WDR76: variants seen among roughly 807,000 people sequenced by gnomAD.
The protein encoded by WDR76 is WD repeat-containing protein 76.
WDR76 carries 52 observed loss-of-function variants against 70.2 expected under a neutral mutation model. The ratio of observed to expected loss-of-function variants is 0.74; its 90% confidence interval spans 0.59 to 0.93. WDR76 has a LOEUF of 0.93. WDR76 is among the 40% of genes least tolerant of loss of function. The pLI, the probability that WDR76 is intolerant of heterozygous loss-of-function variation, is 0.00. For missense variants in WDR76, 756 were observed against 760.2 expected (o/e 0.99, Z 0.07); for synonymous variants, 292 against 271.1 (o/e 1.08, Z -0.76).
chr15:43,851,064 C>G (rs200096394), intron 8 of WDR76, 23 bp from the exon 9 acceptor site: 6 of 1,609,828 alleles, frequency 3.7e-6, no homozygotes, highest in East Asian at 2.2e-5. Flanking sequence ...TTCTCTCTCC[C>G]CTTTCCCGCA....
intron 5 of WDR76, among the ~76,000 whole-genome samples, chr15:43,842,058 G>A (rs1363643723): frequency 6.6e-6 from 1 of 151,922 alleles, no homozygotes; most frequent in Non-Finnish European, 1.5e-5. Context: ...AGTAGAGATG[G>A]GATTTCACCA....
At position 43,827,952 on chromosome 15, in the gene WDR76, T is replaced by A; in HGVS notation, c.61-13T>A. ...AGTTCTAATATTCTGTTTTCTTTTA[T>A]TGATCTGAATAGGTAAATGAATATA... On this transcript the variant is annotated splice_polypyrimidine_tract_variant and intron_variant, in intron 1 of 12. Coordinates refer to ENST00000263795, the MANE Select transcript of WDR76 (RefSeq NM_024908.4). 6.3e-7 allele frequency: 1 copy of A among 1,578,326 alleles called. No individual in the cohort carries two copies. The highest frequency in any genetic ancestry group is 8.6e-7 in the Non-Finnish European group (1 of 1,166,464).
At chr15:43,839,355 C>A (rs1444135249) in intron 4 of WDR76, among the ~76,000 whole-genome samples, 1 of 152,120 alleles carries the variant, frequency 6.6e-6, no homozygotes, top group Non-Finnish European at 1.5e-5. Flanking sequence ...CTATATCATT[C>A]TTTTTATGGC....
chr15:43,850,661 C>G (rs577611471), intron 8 of WDR76, among the ~76,000 whole-genome samples: 1 of 152,252 alleles, frequency 6.6e-6, no homozygotes, highest in African/African-American at 2.4e-5. Flanking sequence ...GGACCAAATA[C>G]CTTACGAAAA....
At chr15:43,839,491 A>T in intron 4 of WDR76, 114 bp from the exon 5 acceptor site, 1 of 1,095,746 alleles carries the variant, frequency 9.1e-7, no homozygotes, top group Non-Finnish European at 1.3e-6. Context: ...ATATATATCT[A>T]TGCAGTTTAT....
intron 8 of WDR76, 69 bp from the exon 9 acceptor site, chr15:43,851,018 T>C: frequency 6.4e-7 from 1 of 1,572,368 alleles, no homozygotes; most frequent in Non-Finnish European, 8.7e-7. Flanking sequence ...AATGACATAA[T>C]AGCATAGCAA....
intron 12 of WDR76, among the ~76,000 whole-genome samples, chr15:43,862,127 C>T (rs1038157458): frequency 2.6e-5 from 4 of 151,838 alleles, no homozygotes; most frequent in Non-Finnish European, 4.4e-5. Context: ...TAAGCCACGG[C>T]GCCTGGCCTT....
chr15:43,851,297 C>T lies in WDR76; in HGVS notation c.1191+52C>T, dbSNP rs758469469. 95 of 1,586,250 alleles carry T rather than the reference C, an allele frequency of 6.0e-5. 1 individual carries two copies. Among genetic ancestry groups the T allele is most frequent in the Admixed American group, 8.7e-5 (5 of 57,242 alleles). On this transcript the variant is annotated intron_variant, in intron 9 of 12. Transcript: ENST00000263795. ...ACTTCAGATGATATTCTAGATTCTT[C>T]GAAATGCCACATGAATAATTATTAT...
intron 8 of WDR76, among the ~76,000 whole-genome samples, chr15:43,848,930 CTTTTT>C (rs534839516): frequency 7.9e-6 from 1 of 127,134 alleles, no homozygotes. Context: ...AGAGTTGAGA[CTTTTT>C]TTTTTTTTTT....
At chr15:43,865,017 C>G (rs571095357) in intron 12 of WDR76, among the ~76,000 whole-genome samples, 1 of 152,068 alleles carries the variant, frequency 6.6e-6, no homozygotes, top group Non-Finnish European at 1.5e-5. Flanking sequence ...CTCCACCTCC[C>G]GGGTTCAAGC....
chr15:43,846,509 C>T (rs2087790209), intron 8 of WDR76, among the ~76,000 whole-genome samples: 1 of 148,998 alleles, frequency 6.7e-6, no homozygotes, highest in African/African-American at 2.4e-5. Context: ...ATCTCAAACT[C>T]CTGAGCTCAA....
intron 8 of WDR76, among the ~76,000 whole-genome samples, chr15:43,849,456 C>T (rs2087829496): frequency 6.6e-6 from 1 of 152,006 alleles, no homozygotes; most frequent in East Asian, 1.9e-4. Flanking sequence ...GCTGTATATG[C>T]CGTTTTAAAT....
chr15:43,861,054 C>T (rs768384711), intron 11 of WDR76, among the ~76,000 whole-genome samples: 3 of 150,572 alleles, frequency 2.0e-5, no homozygotes, highest in African/African-American at 4.9e-5. Flanking sequence ...CTGAGTAGCT[C>T]GGACTACAGG....
At chr15:43,861,513 G>A in intron 12 of WDR76, 127 bp downstream of exon 12, 1 of 958,238 alleles carries the variant, frequency 1.0e-6, no homozygotes, top group South Asian at 1.5e-5. Flanking sequence ...AAAATTATAA[G>A]TGTCCCAGTT....
At chr15:43,831,240 A>G (rs2087584506) in intron 2 of WDR76, among the ~76,000 whole-genome samples, 1 of 151,992 alleles carries the variant, frequency 6.6e-6, no homozygotes, top group Non-Finnish European at 1.5e-5. Flanking sequence ...TTAAAAAAGT[A>G]AAAAATAAAG....
rs78774960 is a variant in WDR76 at position 43,860,197 on chromosome 15, A to G, written c.1563-1136A>G. Reference sequence around the variant, plus strand: ...GAGGTTGAGGCTTTAGTGAGCTGTGACGGTGCCATTGCACTTCAGCCTGGG... The same window carrying G: ...GAGGTTGAGGCTTTAGTGAGCTGTGGCGGTGCCATTGCACTTCAGCCTGGG... On this transcript the variant is annotated intron_variant, in intron 11 of 12. Transcript: ENST00000263795. 2.6e-3 allele frequency among the ~76,000 whole-genome samples: 393 copies of G among 152,324 alleles called. 7 individuals are homozygous for G. The East Asian group carries it at 0.054, about 21-fold the overall frequency.
intron 9 of WDR76, among the ~76,000 whole-genome samples, chr15:43,853,631 T>C (rs2087890255): frequency 6.6e-6 from 1 of 151,394 alleles, no homozygotes. Flanking sequence ...TGGCACCGGG[T>C]GCGGTGGCTC....
chr15:43,862,625 C>T (rs12901143), intron 12 of WDR76, among the ~76,000 whole-genome samples: 2 of 151,632 alleles, frequency 1.3e-5, no homozygotes, highest in South Asian at 2.1e-4. Flanking sequence ...TCTCCTGCCT[C>T]AGCCTCCTGA....
At chr15:43,850,973 A>C in intron 8 of WDR76, 114 bp from the exon 9 acceptor site, 1 of 1,339,010 alleles carries the variant, frequency 7.5e-7, no homozygotes, top group African/African-American at 1.5e-5. Context: ...TTATAGACTA[A>C]GAAAAGACTG....
Sources: allele counts gnomAD v4.1 joint callset (sites outside exome capture counted in the v4.1 genomes callset), GRCh38; gene constraint gnomAD v4.1.1; transcripts MANE v1.5; gene names NCBI Gene and HGNC (gene_info 2026-07-23, HGNC 2026-07-21).